CCDC146: variants seen among roughly 807,000 people sequenced by gnomAD.
CCDC146 encodes coiled-coil domain containing 146, also known as coiled-coil domain-containing protein 146.
CCDC146 carries 92 observed loss-of-function variants against 119.3 expected under a neutral mutation model. The ratio of observed to expected loss-of-function variants is 0.77; its 90% confidence interval spans 0.65 to 0.92. The LOEUF (loss-of-function observed/expected upper bound fraction) is 0.92. CCDC146 is among the 40% of genes least tolerant of loss of function. CCDC146 has a pLI of 0.00. For missense variants in CCDC146, 1,000 were observed against 1,103.0 expected (o/e 0.91, Z 1.32); for synonymous variants, 372 against 371.8 (o/e 1.00, Z -0.01).
chr7:77,245,626 C>T (rs1430762283), intron 4 of CCDC146, among the ~76,000 whole-genome samples: 2 of 152,170 alleles, frequency 1.3e-5, no homozygotes, highest in Admixed American at 1.3e-4. Flanking sequence ...TCTACTCTCC[C>T]GTGGCTGGTT....
chr7:77,277,224 AC>A (rs1237820858), intron 11 of CCDC146, among the ~76,000 whole-genome samples: 2 of 152,060 alleles, frequency 1.3e-5, no homozygotes. Flanking sequence ...CTAGTTAGAA[AC>A]TTCCTCCCTT....
intron 2 of CCDC146, among the ~76,000 whole-genome samples, chr7:77,206,235 A>G (rs1193583464): frequency 6.6e-6 from 1 of 152,148 alleles, no homozygotes; most frequent in Non-Finnish European, 1.5e-5. Flanking sequence ...CTGCCTATGT[A>G]TTTATTCTAA....
rs1793713373 is a variant in CCDC146 at position 77,279,103 on chromosome 7, T to C, written c.1694+2T>C. 1 of 1,609,008 alleles carries C rather than the reference T, an allele frequency of 6.2e-7. No individual in the cohort carries two copies. The highest frequency in any genetic ancestry group is 1.7e-5 in the Admixed American group (1 of 58,870). On this transcript the variant is annotated splice_donor_variant, in intron 13 of 18. Coordinates refer to ENST00000285871, the MANE Select transcript of CCDC146 (RefSeq NM_020879.3). LOFTEE classifies it high-confidence loss of function. Reference sequence around the variant, plus strand: ...AAATAGTGCCGTTAGTCAAGAAAGGTAAGTGTTATAATAACTATTGGCCTT... The same window carrying C: ...AAATAGTGCCGTTAGTCAAGAAAGGCAAGTGTTATAATAACTATTGGCCTT...
intron 2 of CCDC146, among the ~76,000 whole-genome samples, chr7:77,223,841 G>A (rs751486178): frequency 1.1e-4 from 16 of 152,118 alleles, no homozygotes; most frequent in Non-Finnish European, 2.1e-4. Flanking sequence ...CTAATGGGGG[G>A]GTAAATGTTT....
At position 77,294,654 on chromosome 7, in the gene CCDC146, T is replaced by C. The variant is rs1284753655; in HGVS notation, c.2665-9T>C. ...CAGAGAACTGAAAAGGAAAAATCAT[T>C]CTTTGCAGGAGTTCTTGGAAGCAGA... On this transcript the variant is annotated splice_polypyrimidine_tract_variant and intron_variant, in intron 18 of 18. Coordinates refer to ENST00000285871, the MANE Select transcript of CCDC146 (RefSeq NM_020879.3). 1 of 1,613,638 alleles carries C rather than the reference T, an allele frequency of 6.2e-7. No individual in the cohort carries two copies. Among genetic ancestry groups the C allele is most frequent in the East Asian group, 2.2e-5 (1 of 44,892 alleles).
intron 1 of CCDC146, among the ~76,000 whole-genome samples, chr7:77,163,835 TTTTC>T (rs939377714): frequency 1.3e-5 from 2 of 150,416 alleles, no homozygotes; most frequent in African/African-American, 2.4e-5. Flanking sequence ...TTGAAACAGT[TTTTC>T]TTTCTTTCTT....
Position 77,256,781 on chromosome 7 carries a change from A to G in CCDC146, c.684+272A>G, listed in dbSNP as rs557133961. 3.3e-5 allele frequency among the ~76,000 whole-genome samples: 5 copies of G among 152,320 alleles called. No homozygotes were observed. The East Asian group carries it at 9.6e-4, about 29-fold the overall frequency. ...CACCAAACATTTCTGGACATTAGAAACAAGTGTCACAAACACAATTGTTTC... is the reference window on the plus strand; with the variant it reads ...CACCAAACATTTCTGGACATTAGAAGCAAGTGTCACAAACACAATTGTTTC... On this transcript the variant is annotated intron_variant, in intron 6 of 18. Transcript: ENST00000285871.
chr7:77,207,111 G>C (rs1456503160), intron 2 of CCDC146, among the ~76,000 whole-genome samples: 1 of 152,042 alleles, frequency 6.6e-6, no homozygotes, highest in African/African-American at 2.4e-5. Context: ...TTTATTAAAT[G>C]GAGTAAATGT....
chr7:77,282,699 G>A lies in CCDC146; in HGVS notation c.2062G>A (p.Glu688Lys), dbSNP rs776743914. The A allele has an allele frequency of 6.6e-5, 107 of 1,614,050 alleles. 2 individuals are homozygous for A. The highest frequency in any genetic ancestry group is 1.6e-4 in the Middle Eastern group (1 of 6,084). ...KIQFLKMKIA[E>K]KQRQICVTQK... ...CCAATTCCTGAAAATGAAGATTGCT[G>A]AGAAGCAAAGACAAATTTGTGTGAC... The change falls in exon 15 of 19, where the codon GAG becomes AAG. Residue 688 changes from glutamate (E) to lysine (K), a missense_variant. By Grantham distance (56) the Glu-to-Lys change is moderately conservative. Coordinates refer to ENST00000285871, the MANE Select transcript of CCDC146 (RefSeq NM_020879.3).
At chr7:77,293,468 C>G (rs1158350680) in intron 18 of CCDC146, among the ~76,000 whole-genome samples, 1 of 152,226 alleles carries the variant, frequency 6.6e-6, no homozygotes, top group South Asian at 2.1e-4. Flanking sequence ...ACATCATGGC[C>G]TTCCACCAGC....
chr7:77,175,264 A>G (rs933786217), intron 2 of CCDC146, among the ~76,000 whole-genome samples: 3 of 150,574 alleles, frequency 2.0e-5, no homozygotes, highest in African/African-American at 7.4e-5. Context: ...ACCAAGAGCC[A>G]GGCATCTCCT....
intron 6 of CCDC146, among the ~76,000 whole-genome samples, chr7:77,258,308 T>G (rs1793219493): frequency 6.6e-6 from 1 of 152,112 alleles, no homozygotes; most frequent in Non-Finnish European, 1.5e-5. Flanking sequence ...GAGAGGAGAT[T>G]AAGCATGATC....
At chr7:77,191,559 C>A (rs1791762563) in intron 2 of CCDC146, among the ~76,000 whole-genome samples, 1 of 152,138 alleles carries the variant, frequency 6.6e-6, no homozygotes, top group Non-Finnish European at 1.5e-5. Flanking sequence ...GGCATAAGAT[C>A]TAGGAGAGGT....
Position 77,196,111 on chromosome 7 carries a change from A to G in CCDC146, c.156+28287A>G. ...AGCATAACAACAAAGGACTCCTTTA[A>G]AATGCATTGTTTTTCAGCTTTATTT... is the stretch of plus-strand genomic sequence containing the variant. On this transcript the variant is annotated intron_variant, in intron 2 of 18. Transcript: ENST00000285871. The surrounding 1 kb of genome is among the most constrained non-coding windows in gnomAD (Gnocchi z 4.2). The G allele has an allele frequency of 1.7e-6, 1 of 588,184 alleles. No homozygotes were observed. The highest frequency in any genetic ancestry group is 3.0e-6 in the Non-Finnish European group (1 of 336,790). 36.4% of individuals were successfully genotyped at this position (588,184 alleles called of 1,614,324 possible).
At chr7:77,199,750 G>A (rs771312461) in intron 2 of CCDC146, 1 of 1,614,072 alleles carries the variant, frequency 6.2e-7, no homozygotes, top group Admixed American at 1.7e-5. Flanking sequence ...ACCGTAAGTG[G>A]CAAGAACAGC....
intron 2 of CCDC146, among the ~76,000 whole-genome samples, chr7:77,179,772 T>C (rs1278876323): frequency 6.6e-6 from 1 of 152,214 alleles, no homozygotes; most frequent in African/African-American, 2.4e-5. Context: ...ACCATTTGTG[T>C]TAAGTATATT....
Position 77,191,691 on chromosome 7 carries a change from G to A in CCDC146, c.156+23867G>A, listed in dbSNP as rs768829196. Among the ~76,000 whole-genome samples, 8 of 151,898 alleles carry A rather than the reference G, an allele frequency of 5.3e-5. 1 individual carries two copies. The South Asian group carries it at 6.2e-4, about 12-fold the overall frequency. The stretch of plus-strand genomic sequence containing the variant: ...TGGGAGGCCAAGGTGGGCGGATCAC[G>A]AGGTCAGGAGATCGAGACCATCCTG... On this transcript the variant is annotated intron_variant, in intron 2 of 18. Transcript: ENST00000285871.
intron 2 of CCDC146, among the ~76,000 whole-genome samples, chr7:77,224,370 A>G (rs1792464377): frequency 6.6e-6 from 1 of 152,106 alleles, no homozygotes; most frequent in African/African-American, 2.4e-5. Flanking sequence ...CATATTTCAG[A>G]TCTTTCCTCC....
At chr7:77,213,105 G>T (rs1792220860) in intron 2 of CCDC146, among the ~76,000 whole-genome samples, 1 of 151,772 alleles carries the variant, frequency 6.6e-6, no homozygotes, top group African/African-American at 2.4e-5. Context: ...GGTGGTGGTG[G>T]TTTGAGGCAA....
Sources: allele counts gnomAD v4.1 joint callset (sites outside exome capture counted in the v4.1 genomes callset), GRCh38; gene constraint gnomAD v4.1.1; non-coding constraint Gnocchi (gnomAD v3.1); transcripts MANE v1.5; gene names NCBI Gene and HGNC (gene_info 2026-07-23, HGNC 2026-07-21).